ABCA10: variants seen among roughly 807,000 people sequenced by gnomAD.
ABCA10 encodes the protein ATP-binding cassette sub-family A member 10.
ABCA10 carries 169 observed loss-of-function variants against 187.5 expected under a neutral mutation model. That is an observed-to-expected ratio of 0.90 (90% CI 0.80 to 1.02). ABCA10 has a LOEUF of 1.02. Ranked by LOEUF, ABCA10 falls within the 50% of genes least tolerant of loss-of-function variation. ABCA10 has a pLI of 0.00. For missense variants in ABCA10, 1,727 were observed against 1,812.4 expected, an observed-to-expected ratio of 0.95 and a Z score of 0.86; for synonymous variants, 574 against 601.8, an observed-to-expected ratio of 0.95 and a Z score of 0.68.
At chr17:69,191,147 A>G (rs1201058098) in intron 17 of ABCA10, 29 bp downstream of exon 17, 1 of 1,550,366 alleles carries the variant, frequency 6.5e-7, no homozygotes, top group Non-Finnish European at 8.7e-7. Context: ...ACACTTACAT[A>G]TATTCTATGT....
chr17:69,179,112 G>T (rs890872895), intron 22 of ABCA10: 1 of 151,374 alleles, frequency 6.6e-6, no homozygotes, highest in Non-Finnish European at 1.5e-5. Context: ...AACCCAGGAG[G>T]CGGAGGTTGC....
chr17:69,160,513 AG>A (rs2074208290), intron 27 of ABCA10, among the ~76,000 whole-genome samples: 1 of 152,160 alleles, frequency 6.6e-6, no homozygotes, highest in South Asian at 2.1e-4. Flanking sequence ...AGGCTGAAGC[AG>A]GAGAATCACT....
At chr17:69,164,660 G>A (rs547193155) in intron 26 of ABCA10, among the ~76,000 whole-genome samples, 3 of 152,116 alleles carry the variant, frequency 2.0e-5, no homozygotes, top group African/African-American at 7.2e-5. Context: ...CCACAAGAGA[G>A]CATGTTTTAT....
chr17:69,225,332 A>T lies in ABCA10; in HGVS notation c.27T>A (p.Phe9Leu), dbSNP rs1484387918. ...GGTTATTGGACAACACACCTTTCAT[A>T]AAGGAAGCCAAGGCCATCTTATTCA... MNKMALASFMKGRTVIGTP... is the reference protein window; with the variant it reads MNKMALASLMKGRTVIGTP... Residue 9 changes from phenylalanine (F) to leucine (L), a missense_variant, in exon 3 of 39, where the codon TTT becomes TTA. Physicochemically the swap from Phe to Leu is conservative, Grantham distance 22. Coordinates refer to ENST00000690296, the MANE Select transcript of ABCA10 (RefSeq NM_001377321.1). 6.2e-7 allele frequency: 1 copy of T among 1,613,186 alleles called. No individual in the cohort carries two copies. The highest frequency in any genetic ancestry group is 8.5e-7 in the Non-Finnish European group (1 of 1,179,452).
At chr17:69,213,104 T>A (rs1480513288) in intron 9 of ABCA10, among the ~76,000 whole-genome samples, 3 of 152,162 alleles carry the variant, frequency 2.0e-5, no homozygotes, top group Non-Finnish European at 4.4e-5. Flanking sequence ...GTTTTCTCCT[T>A]CTTTGGTGCA....
At position 69,212,519 on chromosome 17, in the gene ABCA10, T is replaced by C. The variant is rs138018265; in HGVS notation, c.1006+2185A>G. ...TTAAGACCATTGTTTCTTTGTTAAC[T>C]TTCTATCTTGATGACCTGTTCAGTG... is the stretch of plus-strand genomic sequence containing the variant. On this transcript the variant is annotated intron_variant, in intron 9 of 38. Transcript: ENST00000690296. 4.6e-3 allele frequency among the ~76,000 whole-genome samples: 696 copies of C among 152,338 alleles called. 5 individuals carry two copies. Among genetic ancestry groups the C allele is most frequent in the African/African-American group, 0.015 (623 of 41,586 alleles).
intron 22 of ABCA10, among the ~76,000 whole-genome samples, chr17:69,180,279 T>A (rs949626389): frequency 3.9e-5 from 6 of 152,172 alleles, no homozygotes; most frequent in East Asian, 1.9e-4. Flanking sequence ...TACCCACTCA[T>A]TCATCCATTC....
At chr17:69,210,865 T>TATATATATATA (rs1555662878) in intron 9 of ABCA10, among the ~76,000 whole-genome samples, 3 of 145,514 alleles carry the variant, frequency 2.1e-5, no homozygotes, top group African/African-American at 5.4e-5. Context: ...TATATATATA[T>TATATATATATA]GCCATATTTC....
chr17:69,159,678 A>G (rs1156250548), intron 27 of ABCA10, among the ~76,000 whole-genome samples: 2 of 152,180 alleles, frequency 1.3e-5, no homozygotes, highest in African/African-American at 4.8e-5. Flanking sequence ...TTGTATATCC[A>G]GTAAAATAAT....
intron 9 of ABCA10, among the ~76,000 whole-genome samples, chr17:69,212,487 G>A (rs2074668459): frequency 6.6e-6 from 1 of 152,158 alleles, no homozygotes; most frequent in African/African-American, 2.4e-5. Context: ...TAAGTTCAGG[G>A]TATACTTTAA....
rs1205762112 is a variant in ABCA10 at position 69,148,814 on chromosome 17, G to T, written c.*13C>A. 6.3e-7 allele frequency: 1 copy of T among 1,598,920 alleles called. No homozygotes were observed. The highest frequency in any genetic ancestry group is 2.2e-5 in the East Asian group (1 of 44,790). ...AGTAGGACCTAAAATTGAATGTTAG[G>T]AGGTTCTTCATTTTAAGGGTCTTCC... On this transcript the variant is annotated 3_prime_UTR_variant, in exon 39 of 39. Transcript: ENST00000690296.
rs1224862415 is a variant in ABCA10 at position 69,193,589 on chromosome 17, TA to T, written c.1544del (p.Leu515Ter). On this transcript the variant is annotated frameshift_variant, in exon 14 of 39. Transcript: ENST00000690296. LOFTEE classifies it high-confidence loss of function. ...EQEVKRIIMELDMQSIQDIIA... is the reference protein window; with the variant it reads ...EQEVKRIIMEXDMQSIQDIIA... ...TAATGTCTTGAATGCTTTGCATGTC[TA>T]ATTCCATTATAATTCTTTTTACCTA... The T allele has an allele frequency of 1.9e-6, 3 of 1,608,514 alleles. No individual in the cohort carries two copies. The highest frequency in any genetic ancestry group is 2.6e-6 in the Non-Finnish European group (3 of 1,176,314).
chr17:69,204,663 G>A (rs1020093191), intron 9 of ABCA10, among the ~76,000 whole-genome samples: 2 of 152,116 alleles, frequency 1.3e-5, no homozygotes, highest in South Asian at 2.1e-4. Context: ...ACCCATCATA[G>A]GCTTCAATAA....
At chr17:69,239,887 T>C (rs2074893949) in intron 1 of ABCA10, among the ~76,000 whole-genome samples, 1 of 152,206 alleles carries the variant, frequency 6.6e-6, no homozygotes, top group Admixed American at 6.5e-5. Flanking sequence ...ACTCATATAG[T>C]ACACCCACGC....
intron 25 of ABCA10, among the ~76,000 whole-genome samples, chr17:69,173,019 T>C (rs1467596927): frequency 6.6e-6 from 1 of 152,192 alleles, no homozygotes; most frequent in Non-Finnish European, 1.5e-5. Flanking sequence ...AGGGCTGGTG[T>C]ATAATCATTC....
chr17:69,169,976 G>A (rs1030309566), intron 25 of ABCA10, among the ~76,000 whole-genome samples: 10 of 152,012 alleles, frequency 6.6e-5, no homozygotes, highest in Non-Finnish European at 1.0e-4. Flanking sequence ...TATATCTTCA[G>A]TATTCTATAA....
chr17:69,243,447 A>C (rs1248501880), intron 1 of ABCA10, among the ~76,000 whole-genome samples: 2 of 152,242 alleles, frequency 1.3e-5, no homozygotes, highest in African/African-American at 2.4e-5. Flanking sequence ...ATTTGTGTAC[A>C]TAGAAAAGGT....
chr17:69,211,320 T>G (rs1162082971), intron 9 of ABCA10, among the ~76,000 whole-genome samples: 8 of 6,142 alleles, frequency 1.3e-3, no homozygotes, highest in Admixed American at 5.7e-3. Flanking sequence ...ATATGATATA[T>G]ATATATATAT....
intron 22 of ABCA10, among the ~76,000 whole-genome samples, chr17:69,176,123 T>G (rs150725898): frequency 4.5e-4 from 69 of 152,292 alleles, no homozygotes; most frequent in Admixed American, 1.2e-3. Flanking sequence ...CTCTTTTACA[T>G]TTACATCTGA....
Sources: allele counts gnomAD v4.1 joint callset (sites outside exome capture counted in the v4.1 genomes callset), GRCh38; gene constraint gnomAD v4.1.1; transcripts MANE v1.5; gene names NCBI Gene and HGNC (gene_info 2026-07-23, HGNC 2026-07-21).